EPHA6: variants seen among roughly 807,000 people sequenced by gnomAD.
EPHA6 encodes the protein EPH receptor A6.
In EPHA6, 50 loss-of-function variants were observed where a neutral mutation model predicts 112.0. That is an observed-to-expected ratio of 0.45 (90% confidence interval 0.36 to 0.56). EPHA6 has a LOEUF of 0.56. EPHA6 is among the 20% of genes least tolerant of loss of function. The probability of loss-of-function intolerance (pLI) is 0.00; values close to 1 mark genes in which losing one functional copy is unlikely to be tolerated. For synonymous variants in EPHA6, 529 were observed against 490.7 expected (o/e 1.08, Z -1.03); for missense variants, 1,280 against 1,417.4 (o/e 0.90, Z 1.56).
In EPHA6 at chr3:97,758,909, G is replaced by A. The variant is rs745585224; in HGVS notation, c.*10208G>A. 6.6e-6 allele frequency among the ~76,000 whole-genome samples: 1 copy of A among 151,928 alleles called. No individual in the cohort carries two copies. Among genetic ancestry groups the A allele is most frequent in the Non-Finnish European group, 1.5e-5 (1 of 67,866 alleles). ...TGAAATGAGGCAAAAAGAGGAGAAG[G>A]TATACGCATGAGGCTACTGGAGTAA... On this transcript the variant is annotated 3_prime_UTR_variant, in exon 18 of 18. Coordinates refer to ENST00000389672, the MANE Select transcript of EPHA6 (RefSeq NM_001080448.3).
chr3:97,271,865 T>C (rs2079893641), intron 5 of EPHA6, among the ~76,000 whole-genome samples: 2 of 152,222 alleles, frequency 1.3e-5, no homozygotes, highest in Non-Finnish European at 2.9e-5. Context: ...GCATATGAAA[T>C]GATTACTACA....
At chr3:97,028,871 T>C (rs1240279946) in intron 3 of EPHA6, among the ~76,000 whole-genome samples, 1 of 151,990 alleles carries the variant, frequency 6.6e-6, no homozygotes, top group South Asian at 2.1e-4. Context: ...ATCTGTTAAA[T>C]GTTTTTAAGT....
chr3:97,277,336 A>G (rs2080123585), intron 5 of EPHA6, among the ~76,000 whole-genome samples: 1 of 152,098 alleles, frequency 6.6e-6, no homozygotes, highest in Non-Finnish European at 1.5e-5. Flanking sequence ...TGGGGGTCAC[A>G]AGGTGCTCAG....
At chr3:96,951,800 A>G (rs1283123287) in intron 2 of EPHA6, among the ~76,000 whole-genome samples, 1 of 152,192 alleles carries the variant, frequency 6.6e-6, no homozygotes, top group Non-Finnish European at 1.5e-5. Context: ...ACCAGAGGAC[A>G]ATACACTATA....
At chr3:97,252,190 G>A (rs952141090) in intron 5 of EPHA6, among the ~76,000 whole-genome samples, 3 of 151,992 alleles carry the variant, frequency 2.0e-5, no homozygotes, top group South Asian at 4.2e-4. Context: ...CTTAAAACAC[G>A]GTGCCTGTCC....
chr3:97,034,332 AATTCTGC>A (rs1329581564), intron 3 of EPHA6, among the ~76,000 whole-genome samples: 8 of 151,906 alleles, frequency 5.3e-5, no homozygotes, highest in Non-Finnish European at 8.8e-5. Flanking sequence ...GGGCAAACTA[AATTCTGC>A]TTCTGTTCCT....
intron 3 of EPHA6, among the ~76,000 whole-genome samples, chr3:97,125,673 A>G (rs1249251171): frequency 6.6e-6 from 1 of 152,172 alleles, no homozygotes. Flanking sequence ...ATGACTAAAA[A>G]TTCTTTATTA....
intron 11 of EPHA6, among the ~76,000 whole-genome samples, chr3:97,587,795 TA>T (rs1170909911): frequency 6.6e-6 from 1 of 152,200 alleles, no homozygotes; most frequent in Non-Finnish European, 1.5e-5. Context: ...ATGAATTTTC[TA>T]ATGAATATCC....
At chr3:97,508,984 CTTTTTTTTTTTTTTTTTT>C (rs141763479) in intron 10 of EPHA6, among the ~76,000 whole-genome samples, 29 of 22,328 alleles carry the variant, frequency 1.3e-3, no homozygotes, top group African/African-American at 3.2e-3. Context: ...GCATCCCTGG[CTTTTTTTTTTTTTTTTTT>C]TTTTTTTTTT....
At chr3:97,642,813 A>G (rs1009264207) in intron 14 of EPHA6, among the ~76,000 whole-genome samples, 3 of 151,532 alleles carry the variant, frequency 2.0e-5, no homozygotes, top group Non-Finnish European at 4.4e-5. Context: ...TCTACGTCTG[A>G]TTGGTGTACC....
intron 3 of EPHA6, among the ~76,000 whole-genome samples, chr3:97,112,257 C>T (rs747672680): frequency 1.9e-4 from 29 of 152,054 alleles, no homozygotes; most frequent in Non-Finnish European, 3.5e-4. Flanking sequence ...TATTTTGAGA[C>T]GTTCAAAAGG....
At chr3:96,938,235 C>T (rs549707649) in intron 2 of EPHA6, among the ~76,000 whole-genome samples, 1 of 152,302 alleles carries the variant, frequency 6.6e-6, no homozygotes, top group Admixed American at 6.5e-5. Flanking sequence ...TCTTCCAACC[C>T]ATGAGCATGG....
intron 11 of EPHA6, among the ~76,000 whole-genome samples, chr3:97,575,491 A>G (rs531351574): frequency 1.3e-5 from 2 of 152,192 alleles, no homozygotes; most frequent in Non-Finnish European, 2.9e-5. Flanking sequence ...CTCATTTCAT[A>G]TCTACGTATA....
intron 3 of EPHA6, among the ~76,000 whole-genome samples, chr3:97,074,180 A>G (rs994008194): frequency 6.6e-6 from 1 of 151,984 alleles, no homozygotes. Context: ...ATGGGCATTT[A>G]AATTGTTTCA....
chr3:97,362,555 TGAGA>T (rs1559922172), intron 5 of EPHA6, among the ~76,000 whole-genome samples: 1 of 152,084 alleles, frequency 6.6e-6, no homozygotes. Flanking sequence ...TATGGGCTAC[TGAGA>T]GAAAGTGTAA....
At chr3:97,115,169 T>C (rs1300149469) in intron 3 of EPHA6, among the ~76,000 whole-genome samples, 3 of 151,970 alleles carry the variant, frequency 2.0e-5, no homozygotes, top group Admixed American at 6.6e-5. Context: ...GGGATTTTTG[T>C]TTTGTTTTGT....
intron 8 of EPHA6, among the ~76,000 whole-genome samples, chr3:97,475,741 C>T (rs936596021): frequency 6.6e-5 from 10 of 151,878 alleles, no homozygotes; most frequent in Admixed American, 1.3e-4. Context: ...CAAATTACAT[C>T]ATAAAAAATA....
At chr3:97,346,757 T>C (rs1164511785) in intron 5 of EPHA6, among the ~76,000 whole-genome samples, 1 of 151,768 alleles carries the variant, frequency 6.6e-6, no homozygotes, top group African/African-American at 2.4e-5. Context: ...GGATACCAAA[T>C]GTCTATATTC....
chr3:97,341,361 CT>C (rs1193529314), intron 5 of EPHA6, among the ~76,000 whole-genome samples: 4,151 of 144,864 alleles, frequency 0.029, 186 homozygotes, highest in African/African-American at 0.096. Flanking sequence ...CTTTTCTTTC[CT>C]TTTTTTTTTT....
Sources: allele counts gnomAD v4.1 joint callset (sites outside exome capture counted in the v4.1 genomes callset), GRCh38; gene constraint gnomAD v4.1.1; transcripts MANE v1.5; gene names NCBI Gene and HGNC (gene_info 2026-07-23, HGNC 2026-07-21).